Variants in NXN observed in about 807,000 individuals in gnomAD.
NXN encodes nucleoredoxin.
In NXN, 16 loss-of-function variants were observed where a neutral mutation model predicts 48.6. That is an observed-to-expected ratio of 0.33 (90% confidence interval 0.22 to 0.50). NXN has a LOEUF of 0.50. Among genes scored for constraint, NXN ranks in the 20% least tolerant of loss-of-function variants. NXN has a pLI of 0.98. For missense variants in NXN, 492 were observed against 605.5 expected (o/e 0.81, Z 1.97); for synonymous variants, 281 against 269.6 (o/e 1.04, Z -0.41).
chr17:833,765 G>C (rs1158431671), intron 1 of NXN, among the ~76,000 whole-genome samples: 1 of 152,152 alleles, frequency 6.6e-6, no homozygotes, highest in African/African-American at 2.4e-5. Context: ...TGCACGTCTT[G>C]ACCTTGATTC....
chr17:922,841 C>T (rs1265692057), intron 1 of NXN, among the ~76,000 whole-genome samples: 7 of 151,886 alleles, frequency 4.6e-5, no homozygotes, highest in Non-Finnish European at 7.4e-5. Context: ...TTAGTAGAGA[C>T]GGGGTTTCAC....
At chr17:856,747 C>T (rs760819760) in intron 1 of NXN, among the ~76,000 whole-genome samples, 4 of 151,942 alleles carry the variant, frequency 2.6e-5, no homozygotes, top group South Asian at 2.1e-4. Flanking sequence ...CCCAAAGTGC[C>T]GGGATTACAG....
intron 1 of NXN, among the ~76,000 whole-genome samples, chr17:960,756 G>A (rs890236887): frequency 6.0e-5 from 9 of 150,800 alleles, no homozygotes; most frequent in Non-Finnish European, 7.4e-5. Context: ...GGGATTACAG[G>A]TGTGAGCCAC....
intron 1 of NXN, among the ~76,000 whole-genome samples, chr17:890,549 TA>T (rs1567850718): frequency 1.7e-5 from 2 of 121,094 alleles, no homozygotes; most frequent in Non-Finnish European, 3.6e-5. Flanking sequence ...TAATTTTTTG[TA>T]TTTTTTTTTT....
intron 1 of NXN, among the ~76,000 whole-genome samples, chr17:861,719 C>T (rs995218772): frequency 3.3e-5 from 5 of 150,368 alleles, no homozygotes; most frequent in Admixed American, 6.6e-5. Flanking sequence ...ATTTGGGATA[C>T]GGTAAAAAAT....
intron 5 of NXN, among the ~76,000 whole-genome samples, chr17:813,507 T>A (rs1912287280): frequency 6.6e-6 from 1 of 152,222 alleles, no homozygotes; most frequent in Admixed American, 6.5e-5. Context: ...CAAAGTGATA[T>A]CCCTGGAATG....
chr17:889,765 G>C lies in NXN; in HGVS notation c.361-63687C>G, dbSNP rs898284509. On this transcript the variant is annotated intron_variant, in intron 1 of 7. Coordinates refer to ENST00000336868, the MANE Select transcript of NXN (RefSeq NM_022463.5). The stretch of plus-strand genomic sequence containing the variant: ...AAAGAAAGAAAGAAAGAAAGAAAAA[G>C]AAAGAAAGAAAAGAGAGAGAAAAGA... Among the ~76,000 whole-genome samples, 56 of 135,626 alleles carry C rather than the reference G, an allele frequency of 4.1e-4. 2 individuals are homozygous for C. Among genetic ancestry groups the C allele is most frequent in the Admixed American group, 8.0e-4 (11 of 13,818 alleles). 89.0% of individuals were successfully genotyped at this position (135,626 alleles called of 152,430 possible). A position where few individuals can be genotyped will look rare whatever the true frequency, so the allele number is the denominator to read the frequency against.
chr17:826,104 T>A, intron 1 of NXN, 26 bp from the exon 2 acceptor site: 1 of 1,493,932 alleles, frequency 6.7e-7, no homozygotes, highest in Non-Finnish European at 9.3e-7. Flanking sequence ...CAAAAGAAGG[T>A]GGTTAAGTCC....
chr17:967,244 GGGCGACC>G (rs1265788695), intron 1 of NXN, among the ~76,000 whole-genome samples: 1 of 152,204 alleles, frequency 6.6e-6, no homozygotes, highest in African/African-American at 2.4e-5. Context: ...ATGGGATCAA[GGGCGACC>G]ATGCCGGACT....
chr17:874,676 A>T (rs1413371132), intron 1 of NXN, among the ~76,000 whole-genome samples: 1 of 142,016 alleles, frequency 7.0e-6, no homozygotes, highest in African/African-American at 2.7e-5. Context: ...CCTGGATCAC[A>T]ATCATGCCAC....
At chr17:827,450 T>A (rs549292025) in intron 1 of NXN, among the ~76,000 whole-genome samples, 55 of 151,870 alleles carry the variant, frequency 3.6e-4, no homozygotes, top group African/African-American at 1.3e-3. Context: ...GTGAAACCCC[T>A]TCTCTACTAA....
intron 1 of NXN, among the ~76,000 whole-genome samples, chr17:866,967 C>A (rs1045472557): frequency 6.6e-6 from 1 of 152,112 alleles, no homozygotes; most frequent in Non-Finnish European, 1.5e-5. Context: ...CCAGCTTGGT[C>A]AGCAAGTTCT....
rs1911338338 is a variant in NXN at position 803,865 on chromosome 17, G to A, written c.1001-59C>T. ...AGAAAAAGCACTGGCTTGTCAAACA[G>A]AGCGGCACCCGCCGAGGGGGCCTGA... On this transcript the variant is annotated intron_variant, in intron 6 of 7. Coordinates refer to ENST00000336868, the MANE Select transcript of NXN (RefSeq NM_022463.5). The A allele has an allele frequency of 1.9e-6, 3 of 1,598,562 alleles. No individual in the cohort carries two copies. In the Admixed American group the frequency reaches 5.0e-5, roughly 27 times the overall value.
intron 1 of NXN, chr17:909,598 G>T (rs1256040458): frequency 6.7e-6 from 1 of 149,976 alleles, no homozygotes; most frequent in Admixed American, 6.7e-5. Flanking sequence ...GAGTGCAGGG[G>T]TGCGATCTCC....
At position 830,798 on chromosome 17, in the gene NXN, C is replaced by T. The variant is rs956789097; in HGVS notation, c.361-4720G>A. ...GGCAGATCATCTGAGGTCAGGAGTT[C>T]GACAACAGCCTGGCCAACACGGTGA... On this transcript the variant is annotated intron_variant, in intron 1 of 7. Coordinates refer to ENST00000336868, the MANE Select transcript of NXN (RefSeq NM_022463.5). The surrounding 1 kb of genome is among the most constrained non-coding windows in gnomAD (Gnocchi z 4.2). 2.0e-5 allele frequency among the ~76,000 whole-genome samples: 3 copies of T among 152,104 alleles called. No homozygotes were observed. The highest frequency in any genetic ancestry group is 1.9e-4 in the East Asian group (1 of 5,168).
intron 5 of NXN, among the ~76,000 whole-genome samples, chr17:814,273 A>G (rs1276799478): frequency 2.6e-5 from 4 of 152,034 alleles, no homozygotes; most frequent in Non-Finnish European, 5.9e-5. Flanking sequence ...AAAAGAAAAG[A>G]AAAAAAGAAA....
At chr17:936,615 T>C (rs181495194) in intron 1 of NXN, among the ~76,000 whole-genome samples, 1 of 151,206 alleles carries the variant, frequency 6.6e-6, no homozygotes, top group African/African-American at 2.4e-5. Flanking sequence ...GCCTCAGGTC[T>C]GGGGTGCCCA....
At chr17:930,469 CA>C in intron 1 of NXN, 1 of 151,856 alleles carries the variant, frequency 6.6e-6, no homozygotes, top group East Asian at 1.9e-4. Context: ...GAACTTGCCA[CA>C]AACAATATTT....
At chr17:971,570 C>A (rs1396039534) in intron 1 of NXN, among the ~76,000 whole-genome samples, 3 of 151,536 alleles carry the variant, frequency 2.0e-5, no homozygotes, top group Non-Finnish European at 2.9e-5. Flanking sequence ...ATTAGCCGGG[C>A]GTGAGGGCGG....
Sources: gnomAD v4.1 joint callset for allele counts (sites outside exome capture counted in the v4.1 genomes callset) on GRCh38, gnomAD v4.1.1 for gene constraint, Gnocchi (gnomAD v3.1) non-coding constraint, MANE v1.5 for transcripts, NCBI Gene and HGNC (gene_info 2026-07-23, HGNC 2026-07-21) for gene names.